ADAMTS12: variants seen among roughly 807,000 people sequenced by gnomAD.
ADAMTS12 encodes the protein A disintegrin and metalloproteinase with thrombospondin motifs 12.
Under a neutral mutation model 167.8 loss-of-function variants are expected in ADAMTS12, and 118 were observed. The observed-to-expected ratio is 0.70, with a 90% CI of 0.61 to 0.82. The LOEUF (loss-of-function observed/expected upper bound fraction) is 0.82. Ranked by LOEUF, ADAMTS12 falls within the 40% of genes least tolerant of loss-of-function variation. ADAMTS12 has a pLI of 0.00. For missense variants in ADAMTS12, 1,916 were observed against 1,998.8 expected, an observed-to-expected ratio of 0.96 and a Z score of 0.79; for synonymous variants, 704 against 716.9, an observed-to-expected ratio of 0.98 and a Z score of 0.29.
chr5:33,705,266 GGTGTGT>G (rs70964413), intron 3 of ADAMTS12, among the ~76,000 whole-genome samples: 4,736 of 143,954 alleles, frequency 0.033, 191 homozygotes, highest in African/African-American at 0.1. Flanking sequence ...AGTATTCCAT[GGTGTGT>G]GTGTGTGTGT....
At chr5:33,729,652 T>C (rs971007628) in intron 3 of ADAMTS12, among the ~76,000 whole-genome samples, 12 of 152,166 alleles carry the variant, frequency 7.9e-5, no homozygotes, top group African/African-American at 2.7e-4. Flanking sequence ...AGAGGGTAGA[T>C]GTGAGCCCCG....
rs188009928 is a variant in ADAMTS12 at position 33,711,997 on chromosome 5, C to A, written c.635-27942G>T. Reference sequence around the variant, plus strand: ...ATAGAATGATGTTTGGGCACAGTTCCAAAGCCAAATTAGTACCATCTCTTA... The same window carrying A: ...ATAGAATGATGTTTGGGCACAGTTCAAAAGCCAAATTAGTACCATCTCTTA... On this transcript the variant is annotated intron_variant, in intron 3 of 23. Transcript: ENST00000504830. Among the ~76,000 whole-genome samples, 112 of 152,198 alleles carry A rather than the reference C, an allele frequency of 7.4e-4. 1 individual carries two copies. The highest frequency in any genetic ancestry group is 7.3e-3 in the Admixed American group (111 of 15,268).
At chr5:33,881,996 G>A (rs1239689314) in intron 1 of ADAMTS12, among the ~76,000 whole-genome samples, 1 of 152,216 alleles carries the variant, frequency 6.6e-6, no homozygotes, top group South Asian at 2.1e-4. Context: ...TTCCTCCTCA[G>A]TGACATGATA....
At chr5:33,764,268 C>T (rs1323688774) in intron 2 of ADAMTS12, among the ~76,000 whole-genome samples, 1 of 152,102 alleles carries the variant, frequency 6.6e-6, no homozygotes, top group Non-Finnish European at 1.5e-5. Context: ...AATCTGAGTC[C>T]TTATAATTTC....
intron 2 of ADAMTS12, among the ~76,000 whole-genome samples, chr5:33,776,043 C>G (rs985701876): frequency 6.6e-6 from 1 of 152,130 alleles, no homozygotes; most frequent in Non-Finnish European, 1.5e-5. Flanking sequence ...CATAAATATG[C>G]ACCCAACATC....
intron 19 of ADAMTS12, among the ~76,000 whole-genome samples, chr5:33,572,445 T>C (rs900333801): frequency 1.3e-4 from 19 of 151,768 alleles, no homozygotes; most frequent in African/African-American, 4.4e-4. Context: ...TGGTTCAATA[T>C]ACGCAAATCA....
At chr5:33,624,183 C>G in intron 14 of ADAMTS12, 48 bp downstream of exon 14, 1 of 1,609,970 alleles carries the variant, frequency 6.2e-7, no homozygotes, top group Non-Finnish European at 8.5e-7. Context: ...TTTATCTTGC[C>G]CCCCACCTTT....
At chr5:33,792,221 C>T (rs1484743484) in intron 2 of ADAMTS12, among the ~76,000 whole-genome samples, 1 of 152,118 alleles carries the variant, frequency 6.6e-6, no homozygotes, top group Non-Finnish European at 1.5e-5. Context: ...GTCTCGAACT[C>T]CTGACCTCAA....
intron 3 of ADAMTS12, among the ~76,000 whole-genome samples, chr5:33,744,990 AT>A: frequency 6.6e-6 from 1 of 151,674 alleles, no homozygotes; most frequent in East Asian, 1.9e-4. Context: ...ATTAAAAAAA[AT>A]TTTTTTGGTA....
At chr5:33,809,971 A>C (rs1037101) in intron 2 of ADAMTS12, among the ~76,000 whole-genome samples, 36,696 of 141,362 alleles carry the variant, frequency 0.26, 4,988 homozygotes, top group East Asian at 0.41. Flanking sequence ...TTAATCCTTA[A>C]GAAGTTTAAC....
intron 2 of ADAMTS12, among the ~76,000 whole-genome samples, chr5:33,763,748 T>C (rs1262575558): frequency 6.6e-6 from 1 of 152,250 alleles, no homozygotes; most frequent in Non-Finnish European, 1.5e-5. Context: ...CCTTTTCCTA[T>C]GTGGGAGGCA....
chr5:33,734,398 A>G (rs1048083632), intron 3 of ADAMTS12, among the ~76,000 whole-genome samples: 2 of 152,242 alleles, frequency 1.3e-5, no homozygotes, highest in Non-Finnish European at 2.9e-5. Flanking sequence ...CAGTAACATT[A>G]GCAGAAATCA....
chr5:33,769,881 A>G (rs1181974955), intron 2 of ADAMTS12, among the ~76,000 whole-genome samples: 1 of 152,150 alleles, frequency 6.6e-6, no homozygotes. Flanking sequence ...CCTTCCTCCC[A>G]TGGGTATTGT....
chr5:33,817,385 C>G (rs1747702256), intron 2 of ADAMTS12, among the ~76,000 whole-genome samples: 1 of 152,118 alleles, frequency 6.6e-6, no homozygotes, highest in Non-Finnish European at 1.5e-5. Flanking sequence ...TGGAATTCTC[C>G]TCACCCTCTT....
intron 17 of ADAMTS12, among the ~76,000 whole-genome samples, chr5:33,593,005 A>G (rs962996409): frequency 3.9e-5 from 6 of 152,222 alleles, no homozygotes; most frequent in African/African-American, 1.4e-4. Context: ...CGCCAGGCAC[A>G]TGGGCTCATG....
intron 1 of ADAMTS12, among the ~76,000 whole-genome samples, chr5:33,889,029 A>G (rs1172930808): frequency 1.3e-5 from 2 of 152,182 alleles, no homozygotes; most frequent in Non-Finnish European, 2.9e-5. Context: ...TAGTGTCTGA[A>G]TCTGTCTCCA....
chr5:33,761,228 G>T (rs1745344974), intron 2 of ADAMTS12, among the ~76,000 whole-genome samples: 1 of 152,172 alleles, frequency 6.6e-6, no homozygotes. Flanking sequence ...TCCGAGGCTG[G>T]GAAGAACATG....
At chr5:33,667,209 T>C (rs1178476837) in intron 5 of ADAMTS12, among the ~76,000 whole-genome samples, 1 of 151,188 alleles carries the variant, frequency 6.6e-6, no homozygotes, top group Non-Finnish European at 1.5e-5. Flanking sequence ...TCCCAGCTAC[T>C]TGGGAGGCTG....
intron 3 of ADAMTS12, among the ~76,000 whole-genome samples, chr5:33,699,589 A>G (rs764825974): frequency 2.6e-5 from 4 of 152,184 alleles, no homozygotes; most frequent in Admixed American, 1.3e-4. Context: ...GCCCATGTGA[A>G]ATCTGGAGTT....
Sources: allele counts gnomAD v4.1 joint callset (sites outside exome capture counted in the v4.1 genomes callset), GRCh38; gene constraint gnomAD v4.1.1; transcripts MANE v1.5; gene names NCBI Gene and HGNC (gene_info 2026-07-23, HGNC 2026-07-21).